The following ZNF276 variants were observed in gnomAD, a reference collection of about 807,000 sequenced individuals.
ZNF276 encodes centromere protein Z.
A neutral mutation model predicts 63.9 loss-of-function variants in ZNF276; 59 were observed. The observed-to-expected ratio is 0.92, with a 90% confidence interval of 0.75 to 1.15. The LOEUF (loss-of-function observed/expected upper bound fraction) is 1.15. Ranked by LOEUF, ZNF276 falls within the 50% of genes most tolerant of loss-of-function variation. ZNF276 has a pLI of 0.00. For synonymous variants in ZNF276, 496 were observed against 348.4 expected (o/e 1.42, Z -4.72); for missense variants, 1,084 against 843.8 (o/e 1.28, Z -3.53).
At chr16:89,736,206 A>C (rs2061876625) in intron 9 of ZNF276, among the ~76,000 whole-genome samples, 1 of 151,602 alleles carries the variant, frequency 6.6e-6, no homozygotes, top group Non-Finnish European at 1.5e-5. Flanking sequence ...TTCTATTTTT[A>C]GTAGAGAGGC....
chr16:89,737,030 A>ATGTCCACATGTGGCATTTG (rs2061943581), intron 9 of ZNF276, among the ~76,000 whole-genome samples: 1 of 152,174 alleles, frequency 6.6e-6, no homozygotes. Flanking sequence ...GTGGGTCTGC[A>ATGTCCACATGTGGCATTTG]TGTCCACATG....
intron 5 of ZNF276, among the ~76,000 whole-genome samples, chr16:89,728,426 CG>C (rs2061535414): frequency 6.6e-6 from 1 of 151,640 alleles, no homozygotes; most frequent in African/African-American, 2.4e-5. Flanking sequence ...TTATTTGAGA[CG>C]GAGTCTCGCT....
Position 89,739,323 on chromosome 16 carries a change from G to T in ZNF276, c.*1077G>T. Reference sequence around the variant, plus strand: ...AAAGACATAGTGACAAATGGCTACAGACTGCTGGAAAGGTAGCAGGTGATG... The same window carrying T: ...AAAGACATAGTGACAAATGGCTACATACTGCTGGAAAGGTAGCAGGTGATG... On this transcript the variant is annotated 3_prime_UTR_variant, in exon 11 of 11. Transcript: ENST00000443381. 6.2e-7 allele frequency: 1 copy of T among 1,613,398 alleles called. No homozygotes were observed. The highest frequency in any genetic ancestry group is 8.5e-7 in the Non-Finnish European group (1 of 1,179,484).
At chr16:89,732,906 TCTG>T (rs968070707) in intron 6 of ZNF276, 2 of 298,422 alleles carry the variant, frequency 6.7e-6, no homozygotes, top group South Asian at 2.8e-5. Context: ...GCCCTCGCCC[TCTG>T]CTGTGTTCAC....
At chr16:89,737,296 C>T (rs1335693446) in intron 9 of ZNF276, among the ~76,000 whole-genome samples, 1 of 152,102 alleles carries the variant, frequency 6.6e-6, no homozygotes, top group African/African-American at 2.4e-5. Flanking sequence ...CCGAGGCAGG[C>T]AGATCACAAG....
chr16:89,733,806 C>T (rs185419423), intron 8 of ZNF276, 115 bp from the exon 9 acceptor site: 21 of 984,642 alleles, frequency 2.1e-5, no homozygotes, highest in Admixed American at 1.7e-4. Flanking sequence ...CCAGTGGTGT[C>T]GCTGGAGGAG....
intron 6 of ZNF276, among the ~76,000 whole-genome samples, chr16:89,730,659 G>A (rs1479997366): frequency 1.3e-5 from 2 of 152,196 alleles, no homozygotes; most frequent in East Asian, 1.9e-4. Context: ...TGACTTCAGT[G>A]GAAACCGCTG....
At chr16:89,722,394 C>A in intron 1 of ZNF276, 137 bp from the exon 2 acceptor site, 1 of 978,890 alleles carries the variant, frequency 1.0e-6, no homozygotes, top group Non-Finnish European at 1.5e-6. Flanking sequence ...CCGAGAGCCG[C>A]GCGCCCGAGC....
chr16:89,724,083 T>C (rs749872378), intron 4 of ZNF276, among the ~76,000 whole-genome samples: 2 of 152,242 alleles, frequency 1.3e-5, no homozygotes. Flanking sequence ...CTGCGGCTGC[T>C]GCCCTGGGCC....
chr16:89,734,054 G>C lies in ZNF276; in HGVS notation c.1474+16G>C. 4 of 1,611,330 alleles carry C rather than the reference G, an allele frequency of 2.5e-6. No individual in the cohort carries two copies. The highest frequency in any genetic ancestry group is 3.4e-6 in the Non-Finnish European group (4 of 1,177,928). On this transcript the variant is annotated intron_variant, in intron 9 of 10. Transcript: ENST00000443381. Reference sequence around the variant, plus strand: ...ATCCACACAGGTACGCCTATCGCCAGTGTCGCCCACGCGGGTGACAGCCAG... The same window carrying C: ...ATCCACACAGGTACGCCTATCGCCACTGTCGCCCACGCGGGTGACAGCCAG...
In ZNF276 at chr16:89,724,181, C is replaced by G. The variant is rs979997728; in HGVS notation, c.1006+472C>G. ...TGGCGCAGCTTTCTCTGCTGACAGGCTGAGGGGAAACACAAGGCCCTTGTT... is the reference window on the plus strand; with the variant it reads ...TGGCGCAGCTTTCTCTGCTGACAGGGTGAGGGGAAACACAAGGCCCTTGTT... On this transcript the variant is annotated intron_variant, in intron 4 of 10. Coordinates refer to ENST00000443381, the MANE Select transcript of ZNF276 (RefSeq NM_001113525.2). Among the ~76,000 whole-genome samples, 6 of 152,350 alleles carry G rather than the reference C, an allele frequency of 3.9e-5. No homozygotes were observed. The South Asian group carries it at 1.2e-3, about 32-fold the overall frequency.
chr16:89,740,223 G>A lies in ZNF276; in HGVS notation c.*1977G>A. On this transcript the variant is annotated 3_prime_UTR_variant, in exon 11 of 11. Transcript: ENST00000443381. ...GCTTATTGTAAGTCTTAAAACTGGT[G>A]ACAGTTTTACCTATAGAAGGTAATA... The A allele has an allele frequency of 1.2e-6, 1 of 856,648 alleles. No individual in the cohort carries two copies. The highest frequency in any genetic ancestry group is 2.0e-6 in the Non-Finnish European group (1 of 498,372). 53.1% of individuals were successfully genotyped at this position (856,648 alleles called of 1,614,324 possible). A position where few individuals can be genotyped will look rare whatever the true frequency, so the allele number is the denominator to read the frequency against.
intron 9 of ZNF276, among the ~76,000 whole-genome samples, chr16:89,737,386 T>TGG (rs17227466): frequency 6.6e-6 from 1 of 151,744 alleles, no homozygotes; most frequent in Non-Finnish European, 1.5e-5. Flanking sequence ...CTGGGCGTGG[T>TGG]GGGGGGCGCC....
intron 10 of ZNF276, 31 bp from the exon 11 acceptor site, chr16:89,737,945 T>G (rs764509217): frequency 6.2e-7 from 1 of 1,613,942 alleles, no homozygotes; most frequent in South Asian, 1.1e-5. Context: ...GCTGTGGCCC[T>G]CGCACCTTCT....
chr16:89,728,780 A>G (rs889821676), intron 5 of ZNF276, among the ~76,000 whole-genome samples: 4 of 152,014 alleles, frequency 2.6e-5, no homozygotes, highest in Non-Finnish European at 4.4e-5. Context: ...CATGCGATCC[A>G]CCTACGTCAC....
In ZNF276 at chr16:89,739,736, C is replaced by T. The variant is rs949804156; in HGVS notation, c.*1490C>T. 40 of 1,492,792 alleles carry T rather than the reference C, an allele frequency of 2.7e-5. No homozygotes were observed. Among genetic ancestry groups the T allele is most frequent in the Non-Finnish European group, 2.9e-5 (33 of 1,123,260 alleles). The allele number at this position is 1,492,792 out of a possible 1,614,324, so 92.5% of individuals were successfully genotyped here. ...AGCAGCTGGGAGAGGATGGGGGGGT[C>T]GACCTCTTGCAGGAGGGTGGGTGTG... is the stretch of plus-strand genomic sequence containing the variant. On this transcript the variant is annotated 3_prime_UTR_variant, in exon 11 of 11. Coordinates refer to ENST00000443381, the MANE Select transcript of ZNF276 (RefSeq NM_001113525.2).
At position 89,722,645 on chromosome 16, in the gene ZNF276, C is replaced by A; in HGVS notation, c.320C>A (p.Ser107Tyr). The A allele has an allele frequency of 6.2e-7, 1 of 1,612,192 alleles. No individual in the cohort carries two copies. The highest frequency in any genetic ancestry group is 8.5e-7 in the Non-Finnish European group (1 of 1,180,016). Residue 107 changes from serine to tyrosine, a missense_variant, in exon 2 of 11, where the codon TCC becomes TAC. Ser to Tyr is a moderately radical substitution (Grantham distance 144). Coordinates refer to ENST00000443381, the MANE Select transcript of ZNF276 (RefSeq NM_001113525.2). Reference protein sequence around the residue: ...RAPGASMERPSAEERVLVRDF... With the variant: ...RAPGASMERPYAEERVLVRDF... ...CCTGGAGCGAGCATGGAGAGGCCAT[C>A]CGCAGAGGAGCGCGTGCTCGTACGG...
chr16:89,729,669 C>G (rs1029548983), intron 6 of ZNF276, among the ~76,000 whole-genome samples: 2 of 152,106 alleles, frequency 1.3e-5, no homozygotes, highest in Non-Finnish European at 2.9e-5. Flanking sequence ...GGTTCACACC[C>G]CAGTGTACCC....
intron 6 of ZNF276, among the ~76,000 whole-genome samples, chr16:89,730,257 G>A (rs4785709): frequency 0.27 from 41,742 of 152,086 alleles, 7,550 homozygotes; most frequent in Middle Eastern, 0.42. Flanking sequence ...AAAGGTGCCC[G>A]GGGGTCCCTA....
Sources: allele counts gnomAD v4.1 joint callset (sites outside exome capture counted in the v4.1 genomes callset), GRCh38; gene constraint gnomAD v4.1.1; transcripts MANE v1.5; gene names NCBI Gene and HGNC (gene_info 2026-07-23, HGNC 2026-07-21).